Variants in VDAC2 observed in about 807,000 individuals in gnomAD.
The protein encoded by VDAC2 is voltage dependent anion channel 2.
Under a neutral mutation model 36.6 loss-of-function variants are expected in VDAC2, and 6 were observed. That is an observed-to-expected ratio of 0.16 (90% CI 0.09 to 0.32). The LOEUF (loss-of-function observed/expected upper bound fraction) is 0.32. VDAC2 is among the 10% of genes least tolerant of loss of function. The pLI is 1.00. For synonymous variants in VDAC2, 109 were observed against 123.8 expected, an observed-to-expected ratio of 0.88 and a Z score of 0.79; for missense variants, 247 against 346.0, an observed-to-expected ratio of 0.71 and a Z score of 2.27.
intron 4 of VDAC2, among the ~76,000 whole-genome samples, chr10:75,217,309 T>C (rs1841635319): frequency 6.6e-6 from 1 of 152,146 alleles, no homozygotes; most frequent in African/African-American, 2.4e-5. Flanking sequence ...ATTTAGTAAA[T>C]GACACGAAGA....
chr10:75,228,266 TTTTC>T (rs201196719), intron 8 of VDAC2, among the ~76,000 whole-genome samples: 14,477 of 145,146 alleles, frequency 0.1, 733 homozygotes, highest in Middle Eastern at 0.16. Flanking sequence ...AGTGAGGTAT[TTTTC>T]TTTCTTTTTT....
rs189303413 is a variant in VDAC2 at position 75,211,559 on chromosome 10, G to A, written c.31+370G>A. The A allele has an allele frequency of 4.5e-6, 7 of 1,550,604 alleles. No individual in the cohort carries two copies. The Admixed American group carries it at 9.8e-5, about 22-fold the overall frequency. On this transcript the variant is annotated intron_variant, in intron 2 of 9. Transcript: ENST00000332211. ...CAAGGTCATTACTTGTGCTCCTAAG[G>A]GCGTGGACGTGCTTTGTGGAATGAA...
chr10:75,227,536 TCA>T lies in VDAC2; in HGVS notation c.736-2105_736-2104del, dbSNP rs912703707. On this transcript the variant is annotated intron_variant, in intron 8 of 9. Coordinates refer to ENST00000332211, the MANE Select transcript of VDAC2 (RefSeq NM_001391963.1). ...CTGAGTTTATTTTTTCTACTCCTTATCACAGTTTCATGGTTTAACTCTTACTG... is the reference window on the plus strand; with the variant it reads ...CTGAGTTTATTTTTTCTACTCCTTATCAGTTTCATGGTTTAACTCTTACTG... Among the ~76,000 whole-genome samples the T allele has an allele frequency of 2.6e-4, 40 of 151,862 alleles. 1 individual carries two copies. The highest frequency in any genetic ancestry group is 8.9e-4 in the African/African-American group (37 of 41,396).
chr10:75,212,789 C>T (rs1841467854), intron 3 of VDAC2, among the ~76,000 whole-genome samples: 1 of 152,180 alleles, frequency 6.6e-6, no homozygotes, highest in Non-Finnish European at 1.5e-5. Context: ...CCCCCAATTT[C>T]CCAAAATTTT....
intron 2 of VDAC2, 193 bp downstream of exon 2, chr10:75,211,382 C>T (rs1841415121): frequency 7.1e-7 from 1 of 1,407,188 alleles, no homozygotes; most frequent in South Asian, 1.5e-5. Context: ...GGAACAAGGC[C>T]CGGGGAGTTG....
At chr10:75,219,952 T>A (rs1270973179) in intron 6 of VDAC2, among the ~76,000 whole-genome samples, 1 of 150,620 alleles carries the variant, frequency 6.6e-6, no homozygotes, top group Non-Finnish European at 1.5e-5. Context: ...CTCAGCCTCC[T>A]GAGTAGCTGG....
At chr10:75,229,016 T>G (rs1842035609) in intron 8 of VDAC2, among the ~76,000 whole-genome samples, 1 of 152,212 alleles carries the variant, frequency 6.6e-6, no homozygotes, top group Admixed American at 6.5e-5. Flanking sequence ...GATTGGTACA[T>G]GATACCTCAC....
In VDAC2 at chr10:75,211,515, A is replaced by G. The variant is rs1296255791; in HGVS notation, c.31+326A>G. On this transcript the variant is annotated intron_variant, in intron 2 of 9. Coordinates refer to ENST00000332211, the MANE Select transcript of VDAC2 (RefSeq NM_001391963.1). ...CAATCACTTTTCTAGAGGAAGTAGC[A>G]GTCCCTCTTGTGAGAGCGCAAGGTC... The G allele has an allele frequency of 5.8e-6, 9 of 1,542,458 alleles. No homozygotes were observed. The East Asian group carries it at 1.2e-4, about 21-fold the overall frequency.
chr10:75,227,898 C>CTTTT (rs1172542801), intron 8 of VDAC2, among the ~76,000 whole-genome samples: 4 of 133,524 alleles, frequency 3.0e-5, no homozygotes, highest in Admixed American at 7.6e-5. Context: ...TTCTTTCTTT[C>CTTTT]TTTTTTTTTT....
At chr10:75,230,386 T>G (rs531562704) in intron 9 of VDAC2, among the ~76,000 whole-genome samples, 1 of 148,020 alleles carries the variant, frequency 6.8e-6, no homozygotes, top group Non-Finnish European at 1.5e-5. Context: ...CTTCACATAC[T>G]TTTAAAAAAA....
intron 2 of VDAC2, chr10:75,211,732 C>T (rs1238756484): frequency 6.6e-7 from 1 of 1,518,044 alleles, no homozygotes; most frequent in African/African-American, 1.4e-5. Flanking sequence ...AGTATTTTTT[C>T]CAAGTTTCAA....
chr10:75,230,246 G>T (rs1158302066), intron 9 of VDAC2, among the ~76,000 whole-genome samples: 1 of 152,146 alleles, frequency 6.6e-6, no homozygotes, highest in Non-Finnish European at 1.5e-5. Context: ...TTATTTTGGT[G>T]ATTTTGAAAC....
At chr10:75,213,229 C>G (rs1841485711) in intron 3 of VDAC2, among the ~76,000 whole-genome samples, 1 of 150,846 alleles carries the variant, frequency 6.6e-6, no homozygotes, top group African/African-American at 2.4e-5. Context: ...CAGGCACATG[C>G]CACCATGCCC....
chr10:75,215,712 T>G (rs1841582268), intron 4 of VDAC2, among the ~76,000 whole-genome samples: 1 of 149,708 alleles, frequency 6.7e-6, no homozygotes, highest in Admixed American at 6.7e-5. Flanking sequence ...ATTGTAGTTT[T>G]TTTGTTTTGT....
chr10:75,220,169 G>A (rs914072735), intron 6 of VDAC2, among the ~76,000 whole-genome samples: 12 of 150,904 alleles, frequency 8.0e-5, no homozygotes, highest in African/African-American at 7.3e-5. Context: ...GCAATGGTGC[G>A]ATCTTGGCTC....
intron 4 of VDAC2, among the ~76,000 whole-genome samples, chr10:75,214,856 T>G (rs1166483378): frequency 6.6e-6 from 1 of 150,590 alleles, no homozygotes; most frequent in Non-Finnish European, 1.5e-5. Flanking sequence ...AATATTTTGG[T>G]ATTTGGGTGT....
rs184403533 is a variant in VDAC2 at position 75,215,771 on chromosome 10, G to A, written c.150+1701G>A. The stretch of plus-strand genomic sequence containing the variant: ...CAGTCTTGCTCTGTCGCCCAGGCTG[G>A]AGTGCAGTGGCATGATCTCAGCTCA... On this transcript the variant is annotated intron_variant, in intron 4 of 9. Coordinates refer to ENST00000332211, the MANE Select transcript of VDAC2 (RefSeq NM_001391963.1). Among the ~76,000 whole-genome samples the A allele has an allele frequency of 9.7e-4, 147 of 151,644 alleles. No homozygotes were observed. The Middle Eastern group carries it at 0.024, about 25-fold the overall frequency.
Position 75,212,216 on chromosome 10 carries a change from T to C in VDAC2, c.32-14T>C, listed in dbSNP as rs766052626. On this transcript the variant is annotated splice_polypyrimidine_tract_variant and intron_variant, in intron 2 of 9. Transcript: ENST00000332211. The stretch of plus-strand genomic sequence containing the variant: ...AATAGAGACATTAACACTGGAATGT[T>C]TTTTTTCTACCAGCAATGTGTATTC... The C allele has an allele frequency of 3.7e-6, 6 of 1,612,930 alleles. No individual in the cohort carries two copies. Among genetic ancestry groups the C allele is most frequent in the Non-Finnish European group, 5.1e-6 (6 of 1,179,332 alleles).
intron 4 of VDAC2, among the ~76,000 whole-genome samples, chr10:75,214,471 A>G (rs1841535656): frequency 6.6e-6 from 1 of 152,218 alleles, no homozygotes; most frequent in African/African-American, 2.4e-5. Flanking sequence ...ATTTTCTAGC[A>G]GTTCTCCCTG....
Sources: gnomAD v4.1 joint callset for allele counts (sites outside exome capture counted in the v4.1 genomes callset) on GRCh38, gnomAD v4.1.1 for gene constraint, MANE v1.5 for transcripts, NCBI Gene and HGNC (gene_info 2026-07-23, HGNC 2026-07-21) for gene names.